Variants in KCNJ3 observed in about 807,000 individuals in gnomAD.
KCNJ3 encodes potassium inwardly rectifying channel subfamily J member 3.
A neutral mutation model predicts 39.2 loss-of-function variants in KCNJ3; 4 were observed. The observed-to-expected ratio is 0.10, with a 90% CI of 0.05 to 0.23. The LOEUF is 0.23. KCNJ3 is among the 10% of genes least tolerant of loss of function. The probability of loss-of-function intolerance (pLI) is 1.00; values close to 1 mark genes in which losing one functional copy is unlikely to be tolerated. For synonymous variants in KCNJ3, 230 were observed against 237.4 expected, an observed-to-expected ratio of 0.97 and a Z score of 0.29; for missense variants, 276 against 634.9, an observed-to-expected ratio of 0.43 and a Z score of 6.08.
intron 2 of KCNJ3, among the ~76,000 whole-genome samples, chr2:154,788,225 A>G (rs1358029239): frequency 6.6e-6 from 1 of 152,160 alleles, no homozygotes; most frequent in Non-Finnish European, 1.5e-5. Flanking sequence ...TAAAATCTAC[A>G]TAAGTATAGT....
At chr2:154,727,579 G>A (rs991262058) in intron 2 of KCNJ3, among the ~76,000 whole-genome samples, 1 of 115,374 alleles carries the variant, frequency 8.7e-6, no homozygotes. Context: ...GGAAGCAAGA[G>A]CGAAACTCCG....
intron 2 of KCNJ3, among the ~76,000 whole-genome samples, chr2:154,848,154 C>T (rs960971073): frequency 1.3e-5 from 2 of 151,814 alleles, no homozygotes; most frequent in African/African-American, 2.4e-5. Flanking sequence ...ATTTTTAATT[C>T]TATGTTTTGG....
intron 2 of KCNJ3, among the ~76,000 whole-genome samples, chr2:154,807,166 A>G (rs1257170140): frequency 6.6e-6 from 1 of 152,208 alleles, no homozygotes; most frequent in Non-Finnish European, 1.5e-5. Context: ...CTCCTTGAAT[A>G]GTGGCCTTTT....
chr2:154,766,812 C>T (rs754397750), intron 2 of KCNJ3, among the ~76,000 whole-genome samples: 3 of 152,164 alleles, frequency 2.0e-5, no homozygotes, highest in East Asian at 1.9e-4. Flanking sequence ...CCTCGGCCAC[C>T]GAAAGTGCTG....
intron 2 of KCNJ3, among the ~76,000 whole-genome samples, chr2:154,747,625 T>A (rs1220103534): frequency 6.6e-6 from 1 of 152,022 alleles, no homozygotes; most frequent in Non-Finnish European, 1.5e-5. Flanking sequence ...GGCTTTGTGA[T>A]TTCATTCCTA....
In KCNJ3 at chr2:154,699,522, CA is replaced by C. The variant is rs1168656284; in HGVS notation, c.702+48del. 51 of 1,512,274 alleles carry C rather than the reference CA, an allele frequency of 3.4e-5. No individual in the cohort carries two copies. In the Admixed American group the frequency reaches 9.3e-4, roughly 28 times the overall value. 93.7% of individuals were successfully genotyped at this position (1,512,274 alleles called of 1,614,324 possible). On this transcript the variant is annotated intron_variant, in intron 1 of 2. Coordinates refer to ENST00000295101, the MANE Select transcript of KCNJ3 (RefSeq NM_002239.4). This position sits in a 1 kb window ranked among gnomAD's most constrained non-coding sequence, Gnocchi z 6.4. ...TCCCCACCGGGAGACCTGCGTCCCCCAAACCCGCGGAGTAACTCGTCTGAGA... is the reference window on the plus strand; with the variant it reads ...TCCCCACCGGGAGACCTGCGTCCCCCAACCCGCGGAGTAACTCGTCTGAGA...
At position 154,854,687 on chromosome 2, in the gene KCNJ3, A is replaced by T. The variant is rs757292830; in HGVS notation, c.920-40A>T. On this transcript the variant is annotated intron_variant, in intron 2 of 2. Transcript: ENST00000295101. ...CCAAACCGGCTTTACATGTGCTTCC[A>T]CTATGCATAATTTATCAAGAATTTT... is the stretch of plus-strand genomic sequence containing the variant. 2.0e-6 allele frequency: 3 copies of T among 1,476,580 alleles called. No homozygotes were observed. The African/African-American group carries it at 4.2e-5, about 21-fold the overall frequency. The allele number at this position is 1,476,580 out of a possible 1,614,324, so 91.5% of individuals were successfully genotyped here.
chr2:154,820,462 G>A (rs1399324317), intron 2 of KCNJ3, among the ~76,000 whole-genome samples: 3 of 152,148 alleles, frequency 2.0e-5, no homozygotes, highest in African/African-American at 7.2e-5. Context: ...ATCACATCAG[G>A]AGACGCAACA....
intron 2 of KCNJ3, among the ~76,000 whole-genome samples, chr2:154,820,130 A>T (rs900352681): frequency 3.9e-5 from 6 of 152,182 alleles, no homozygotes; most frequent in Admixed American, 1.3e-4. Context: ...ATTATTAATT[A>T]ACCTACTGGT....
intron 2 of KCNJ3, among the ~76,000 whole-genome samples, chr2:154,718,158 T>C (rs1426307660): frequency 6.6e-6 from 1 of 152,210 alleles, no homozygotes; most frequent in African/African-American, 2.4e-5. Context: ...TCAAAGTAGG[T>C]TCTTCCTGGA....
At chr2:154,821,130 A>G (rs1687165756) in intron 2 of KCNJ3, among the ~76,000 whole-genome samples, 1 of 152,120 alleles carries the variant, frequency 6.6e-6, no homozygotes, top group African/African-American at 2.4e-5. Context: ...GCTGGCCCTC[A>G]TGCCCTTTGC....
intron 2 of KCNJ3, among the ~76,000 whole-genome samples, chr2:154,734,851 C>T (rs1685500461): frequency 6.6e-6 from 1 of 152,134 alleles, no homozygotes; most frequent in African/African-American, 2.4e-5. Context: ...CTGTTCTATA[C>T]TGAGAAGTTA....
chr2:154,706,340 T>A (rs368629040), intron 1 of KCNJ3, among the ~76,000 whole-genome samples: 1 of 152,092 alleles, frequency 6.6e-6, no homozygotes, highest in South Asian at 2.1e-4. Context: ...ATGCTTAACA[T>A]GACACAATGA....
At chr2:154,766,065 A>T (rs1686128097) in intron 2 of KCNJ3, among the ~76,000 whole-genome samples, 1 of 152,248 alleles carries the variant, frequency 6.6e-6, no homozygotes, top group South Asian at 2.1e-4. Context: ...ACTAGTTTTT[A>T]AAATGACTAT....
At chr2:154,775,854 C>T (rs987307733) in intron 2 of KCNJ3, among the ~76,000 whole-genome samples, 25 of 152,036 alleles carry the variant, frequency 1.6e-4, no homozygotes, top group African/African-American at 5.1e-4. Context: ...GTTGATGTAA[C>T]GAAAGTTTAA....
Position 154,699,348 on chromosome 2 carries a change from C to A in KCNJ3, c.573C>A (p.Ala191=), listed in dbSNP as rs760175028. Residue 191 remains alanine, a synonymous_variant, in exon 1 of 3, where the codon GCC becomes GCA. Coordinates refer to ENST00000295101, the MANE Select transcript of KCNJ3 (RefSeq NM_002239.4). This position sits in a 1 kb window ranked among gnomAD's most constrained non-coding sequence, Gnocchi z 6.4. ...FIKMSQPKKR[A]ETLMFSEHAV... is the part of the protein sequence containing the mutation. ...AGATGTCCCAGCCCAAGAAGCGCGC[C>A]GAGACCCTCATGTTCAGCGAGCACG... is the stretch of plus-strand genomic sequence containing the variant. 7.7e-5 allele frequency: 125 copies of A among 1,613,164 alleles called. No individual in the cohort carries two copies. Among genetic ancestry groups the A allele is most frequent in the Non-Finnish European group, 1.0e-4 (119 of 1,180,040 alleles).
intron 2 of KCNJ3, among the ~76,000 whole-genome samples, chr2:154,770,633 G>C (rs1013670183): frequency 6.6e-6 from 1 of 151,772 alleles, no homozygotes; most frequent in Non-Finnish European, 1.5e-5. Flanking sequence ...TTGTTGTTTT[G>C]GAATTTTGAG....
intron 2 of KCNJ3, among the ~76,000 whole-genome samples, chr2:154,793,724 G>A (rs1411830120): frequency 6.6e-6 from 1 of 152,020 alleles, no homozygotes; most frequent in Non-Finnish European, 1.5e-5. Context: ...CTGGACATAG[G>A]TTTAAGTTTT....
At chr2:154,854,104 C>T (rs1687800581) in intron 2 of KCNJ3, among the ~76,000 whole-genome samples, 1 of 152,056 alleles carries the variant, frequency 6.6e-6, no homozygotes, top group African/African-American at 2.4e-5. Context: ...ACCTTTTGTC[C>T]TCCCACCCCC....
Sources: gnomAD v4.1 joint callset for allele counts (sites outside exome capture counted in the v4.1 genomes callset) on GRCh38, gnomAD v4.1.1 for gene constraint, Gnocchi (gnomAD v3.1) non-coding constraint, MANE v1.5 for transcripts, NCBI Gene and HGNC (gene_info 2026-07-23, HGNC 2026-07-21) for gene names.